Variants in MBTPS1 observed in about 807,000 individuals in gnomAD.
MBTPS1 encodes the protein membrane bound transcription factor peptidase, site 1, also known as membrane-bound transcription factor site-1 protease.
In MBTPS1, 94 loss-of-function variants were observed where a neutral mutation model predicts 127.8. That is an observed-to-expected ratio of 0.74 (90% CI 0.62 to 0.87). The LOEUF (loss-of-function observed/expected upper bound fraction) is 0.87. Ranked by LOEUF, MBTPS1 falls within the 40% of genes least tolerant of loss-of-function variation. The pLI, the probability that MBTPS1 is intolerant of heterozygous loss-of-function variation, is 0.00. For synonymous variants in MBTPS1, 632 were observed against 509.4 expected, an observed-to-expected ratio of 1.24 and a Z score of -3.24; for missense variants, 1,636 against 1,353.2, an observed-to-expected ratio of 1.21 and a Z score of -3.28.
chr16:84,081,937 TTC>T, intron 10 of MBTPS1, 29 bp from the exon 11 acceptor site: 1 of 1,347,516 alleles, frequency 7.4e-7, no homozygotes, highest in Non-Finnish European at 9.6e-7. Context: ...ATTGCCTATT[TTC>T]TCTCAGTAAA....
intron 8 of MBTPS1, among the ~76,000 whole-genome samples, chr16:84,089,127 G>C (rs1177996882): frequency 6.6e-6 from 1 of 152,258 alleles, no homozygotes; most frequent in African/African-American, 2.4e-5. Context: ...GATGGGCAGA[G>C]GGATGGGGTG....
In MBTPS1 at chr16:84,067,510, A is replaced by T. The variant is rs1455297776; in HGVS notation, c.2228+157T>A. Among the ~76,000 whole-genome samples the T allele has an allele frequency of 2.0e-5, 3 of 152,104 alleles. No homozygotes were observed. In the East Asian group the frequency reaches 5.8e-4, roughly 29 times the overall value. ...TGGGATTACAGGCGTGAGCAACCGCACTCAGTCGAAAGGGCTTTTTTTCTA... is the reference window on the plus strand; with the variant it reads ...TGGGATTACAGGCGTGAGCAACCGCTCTCAGTCGAAAGGGCTTTTTTTCTA... On this transcript the variant is annotated intron_variant, in intron 16 of 22. Transcript: ENST00000343411.
At chr16:84,069,092 C>G (rs2085732079) in intron 14 of MBTPS1, among the ~76,000 whole-genome samples, 1 of 152,242 alleles carries the variant, frequency 6.6e-6, no homozygotes, top group African/African-American at 2.4e-5. Flanking sequence ...CCCCTCCAAT[C>G]TGGCTGCCAG....
rs1388164379 is a variant in MBTPS1 at position 84,055,965 on chromosome 16, A to G, written c.2962+40T>C. ...AGGGAGACTCCTTTGAACAAAATAC[A>G]GGATGACTGAGCACAATCACAAAGC... is the stretch of plus-strand genomic sequence containing the variant. On this transcript the variant is annotated intron_variant, in intron 22 of 22. Transcript: ENST00000343411. 3.8e-6 allele frequency: 6 copies of G among 1,593,312 alleles called. No individual in the cohort carries two copies. The African/African-American group carries it at 4.0e-5, about 11-fold the overall frequency.
chr16:84,071,621 T>C (rs1337314139), intron 12 of MBTPS1, among the ~76,000 whole-genome samples: 3 of 152,158 alleles, frequency 2.0e-5, no homozygotes, highest in African/African-American at 4.8e-5. Context: ...TTAACAATCA[T>C]ATACATAAAA....
chr16:84,116,613 C>T (rs1276440027), intron 1 of MBTPS1, 122 bp downstream of exon 1: 4 of 152,156 alleles, frequency 2.6e-5, no homozygotes, highest in African/African-American at 7.2e-5. Context: ...CCTCCCCCGA[C>T]CCGGCCCGGC....
rs1248481556 is a variant in MBTPS1 at position 84,090,861 on chromosome 16, C to G, written c.1031+14G>C. On this transcript the variant is annotated intron_variant, in intron 8 of 22. Transcript: ENST00000343411. Reference sequence around the variant, plus strand: ...GAAAAAATCCCCGAGGTCATCCCTGCTGGGGCTACTTACCCATAAAGAGGT... The same window carrying G: ...GAAAAAATCCCCGAGGTCATCCCTGGTGGGGCTACTTACCCATAAAGAGGT... The G allele has an allele frequency of 6.2e-7, 1 of 1,603,178 alleles. No homozygotes were observed. Among genetic ancestry groups the G allele is most frequent in the Admixed American group, 1.7e-5 (1 of 59,184 alleles).
Position 84,065,677 on chromosome 16 carries a change from T to A in MBTPS1, c.2431+13A>T. 1 of 1,591,562 alleles carries A rather than the reference T, an allele frequency of 6.3e-7. No homozygotes were observed. Among genetic ancestry groups the A allele is most frequent in the South Asian group, 1.1e-5 (1 of 90,540 alleles). On this transcript the variant is annotated intron_variant, in intron 18 of 22. Coordinates refer to ENST00000343411, the MANE Select transcript of MBTPS1 (RefSeq NM_003791.4). ...AAAGAAGAAGCAAAAGGCCCATGAA[T>A]GGCATCCTTTACCTTGGTCCTTGAA...
intron 1 of MBTPS1, among the ~76,000 whole-genome samples, chr16:84,107,305 T>G (rs546604986): frequency 2.0e-5 from 3 of 152,134 alleles, no homozygotes; most frequent in Non-Finnish European, 4.4e-5. Context: ...GCCTGTCAAC[T>G]CCAGCCCACC....
intron 11 of MBTPS1, among the ~76,000 whole-genome samples, chr16:84,079,653 G>C (rs925896907): frequency 6.6e-5 from 10 of 152,206 alleles, no homozygotes; most frequent in African/African-American, 2.4e-4. Context: ...TGAGAGCCAG[G>C]CTTCTCACTG....
At chr16:84,058,925 A>G (rs987615404) in intron 21 of MBTPS1, among the ~76,000 whole-genome samples, 4 of 152,204 alleles carry the variant, frequency 2.6e-5, no homozygotes, top group African/African-American at 9.7e-5. Flanking sequence ...GGATGACAGA[A>G]GAAGGGAACT....
At position 84,062,910 on chromosome 16, in the gene MBTPS1, A is replaced by G. The variant is rs2085634456; in HGVS notation, c.2572+395T>C. Among the ~76,000 whole-genome samples, 3 of 152,206 alleles carry G rather than the reference A, an allele frequency of 2.0e-5. No individual in the cohort carries two copies. The South Asian group carries it at 6.2e-4, about 31-fold the overall frequency. ...CAGCCCTCCAGTAAAAGAGTGAGTC[A>G]GACCAGAGAAGGGCGCCCCCTCGTG... On this transcript the variant is annotated intron_variant, in intron 19 of 22. Coordinates refer to ENST00000343411, the MANE Select transcript of MBTPS1 (RefSeq NM_003791.4).
At chr16:84,069,568 G>C (rs561392149) in intron 14 of MBTPS1, among the ~76,000 whole-genome samples, 3 of 152,362 alleles carry the variant, frequency 2.0e-5, no homozygotes, top group African/African-American at 7.2e-5. Context: ...GAAGGCCAGA[G>C]ATGGAAGGAT....
chr16:84,066,683 T>G, intron 16 of MBTPS1, 70 bp from the exon 17 acceptor site: 12 of 1,454,862 alleles, frequency 8.2e-6, no homozygotes, highest in Non-Finnish European at 1.1e-5. Flanking sequence ...ATTTAGTCTC[T>G]GTGACAAAAC....
chr16:84,116,051 C>T (rs2086471851), intron 1 of MBTPS1, among the ~76,000 whole-genome samples: 1 of 152,120 alleles, frequency 6.6e-6, no homozygotes, highest in South Asian at 2.1e-4. Context: ...ACAGTTCAGA[C>T]TAAAGGATGA....
intron 1 of MBTPS1, among the ~76,000 whole-genome samples, chr16:84,104,029 T>G (rs2086291700): frequency 6.6e-6 from 1 of 152,236 alleles, no homozygotes; most frequent in Non-Finnish European, 1.5e-5. Context: ...AGTAAGCCCC[T>G]ACTTCTTAGT....
intron 4 of MBTPS1, among the ~76,000 whole-genome samples, chr16:84,095,311 C>T (rs896558761): frequency 6.6e-6 from 1 of 152,228 alleles, no homozygotes; most frequent in African/African-American, 2.4e-5. Context: ...AAGTGCTCCA[C>T]AGCCTTCCCT....
intron 3 of MBTPS1, among the ~76,000 whole-genome samples, chr16:84,097,876 G>T (rs1341150671): frequency 2.1e-5 from 3 of 141,842 alleles, no homozygotes; most frequent in South Asian, 2.3e-4. Flanking sequence ...GTGTGTTTGT[G>T]TGTGTGTTTA....
intron 3 of MBTPS1, among the ~76,000 whole-genome samples, chr16:84,098,599 C>G (rs557728833): frequency 1.3e-5 from 2 of 152,212 alleles, no homozygotes; most frequent in East Asian, 3.9e-4. Flanking sequence ...AAGAGCGAAA[C>G]TCCGTCTCAA....
Sources: gnomAD v4.1 joint callset for allele counts (sites outside exome capture counted in the v4.1 genomes callset) on GRCh38, gnomAD v4.1.1 for gene constraint, MANE v1.5 for transcripts, NCBI Gene and HGNC (gene_info 2026-07-23, HGNC 2026-07-21) for gene names.